ELP1: variants seen among roughly 807,000 people sequenced by gnomAD.
ELP1 encodes the protein elongator complex protein 1.
A neutral mutation model predicts 183.2 loss-of-function variants in ELP1; 131 were observed. That is an observed-to-expected ratio of 0.72 (90% confidence interval 0.62 to 0.83). The LOEUF (loss-of-function observed/expected upper bound fraction) is 0.83, where lower values mean the gene tolerates loss of function less well. Among genes scored for constraint, ELP1 ranks in the 40% least tolerant of loss-of-function variants. The pLI is 0.00. For synonymous variants in ELP1, 555 were observed against 569.0 expected (o/e 0.98, Z 0.35); for missense variants, 1,550 against 1,594.9 (o/e 0.97, Z 0.48).
intron 2 of ELP1, among the ~76,000 whole-genome samples, chr9:108,930,392 T>C (rs17792627): frequency 0.053 from 8,028 of 152,258 alleles, 327 homozygotes; most frequent in East Asian, 0.12. Context: ...GCTCAAACTT[T>C]TAGAAAGCTC....
chr9:108,918,962 A>G (rs1829548114), intron 7 of ELP1, 61 bp from the exon 8 acceptor site: 2 of 1,189,888 alleles, frequency 1.7e-6, no homozygotes, highest in African/African-American at 1.5e-5. Flanking sequence ...AAAGTTGTCA[A>G]TTCAGAACTA....
At chr9:108,871,674 T>C (rs939047449) in intron 36 of ELP1, among the ~76,000 whole-genome samples, 2 of 152,216 alleles carry the variant, frequency 1.3e-5, no homozygotes, top group Non-Finnish European at 2.9e-5. Flanking sequence ...TTTCTAAAAT[T>C]ATCAAACCAT....
rs560086726 is a variant in ELP1 at position 108,913,647 on chromosome 9, T to C, written c.959-1153A>G. On this transcript the variant is annotated intron_variant, in intron 10 of 36. Coordinates refer to ENST00000374647, the MANE Select transcript of ELP1 (RefSeq NM_003640.5). ...TGTGCAATGTGTGTGTGTGTGTATATATATATATACATGTTTTTGAGATGG... is the reference window on the plus strand; with the variant it reads ...TGTGCAATGTGTGTGTGTGTGTATACATATATATACATGTTTTTGAGATGG... 7.0e-4 allele frequency among the ~76,000 whole-genome samples: 106 copies of C among 152,130 alleles called. 4 individuals are homozygous for C. The South Asian group carries it at 0.021, about 31-fold the overall frequency.
chr9:108,890,575 T>C (rs1450965360), intron 28 of ELP1, among the ~76,000 whole-genome samples: 1 of 152,230 alleles, frequency 6.6e-6, no homozygotes, highest in East Asian at 1.9e-4. Context: ...ACTCTGGTAC[T>C]AGAGCCCCTG....
intron 22 of ELP1, among the ~76,000 whole-genome samples, chr9:108,897,731 A>C (rs540924902): frequency 1.3e-5 from 2 of 152,244 alleles, no homozygotes; most frequent in South Asian, 4.1e-4. Flanking sequence ...TAAAAAATTC[A>C]GAAGAGTAGT....
At chr9:108,910,184 G>C (rs188745852) in intron 12 of ELP1, among the ~76,000 whole-genome samples, 10 of 152,198 alleles carry the variant, frequency 6.6e-5, no homozygotes, top group Non-Finnish European at 1.3e-4. Context: ...ATTTTGAAAA[G>C]TTTAAGGAGG....
chr9:108,881,850 T>C lies in ELP1; in HGVS notation c.3286-85A>G, dbSNP rs895683551. The stretch of plus-strand genomic sequence containing the variant: ...ATACTTAGAAAGACATGGATTACTT[T>C]CAGAGGTAATCAGAATATTTTCCTG... On this transcript the variant is annotated intron_variant, in intron 30 of 36. Coordinates refer to ENST00000374647, the MANE Select transcript of ELP1 (RefSeq NM_003640.5). 1.3e-4 allele frequency: 113 copies of C among 844,256 alleles called. 6 individuals are homozygous for C. The South Asian group carries it at 1.6e-3, about 12-fold the overall frequency. The allele number at this position is 844,256 out of a possible 1,614,324, so 52.3% of individuals were successfully genotyped here.
At chr9:108,926,869 AAC>A (rs1224674821) in intron 4 of ELP1, among the ~76,000 whole-genome samples, 8 of 152,156 alleles carry the variant, frequency 5.3e-5, no homozygotes, top group Non-Finnish European at 1.2e-4. Flanking sequence ...CACTAACTTC[AAC>A]ACTCCTTGTC....
intron 29 of ELP1, among the ~76,000 whole-genome samples, chr9:108,886,557 G>A (rs369879236): frequency 3.9e-5 from 6 of 152,088 alleles, no homozygotes; most frequent in South Asian, 2.1e-4. Flanking sequence ...CATATCACTC[G>A]TCTAAAAACA....
chr9:108,891,176 T>C lies in ELP1; in HGVS notation c.3160+27A>G, dbSNP rs1341213. The C allele has an allele frequency of 1.4e-3, 2,258 of 1,606,670 alleles. 42 individuals carry two copies. In the South Asian group the frequency reaches 0.023, roughly 16 times the overall value. On this transcript the variant is annotated intron_variant, in intron 28 of 36. Transcript: ENST00000374647. ...ATAAATTTTTTAAAACCTTTGTAGA[T>C]GTAAACATATAAATGATTGTACTTA...
At chr9:108,898,046 T>C (rs1828623244) in intron 22 of ELP1, among the ~76,000 whole-genome samples, 1 of 152,200 alleles carries the variant, frequency 6.6e-6, no homozygotes, top group African/African-American at 2.4e-5. Flanking sequence ...ACAAGATGAA[T>C]GATGGATGGA....
intron 36 of ELP1, among the ~76,000 whole-genome samples, chr9:108,870,342 AG>A (rs1217626148): frequency 6.6e-6 from 1 of 152,234 alleles, no homozygotes; most frequent in Non-Finnish European, 1.5e-5. Flanking sequence ...CAGCATAAAA[AG>A]TCAGTTAACA....
rs140944971 is a variant in ELP1, at chr9:108,931,047, G to A, written c.100C>T (p.Leu34Phe). 5.0e-6 allele frequency: 8 copies of A among 1,613,962 alleles called. No homozygotes were observed. The African/African-American group carries it at 1.1e-4, about 22-fold the overall frequency. The change falls in exon 2 of 37, where the codon CTC (leucine) becomes TTC (phenylalanine). Residue 34 changes from leucine to phenylalanine, a missense_variant. Coordinates refer to ENST00000374647, the MANE Select transcript of ELP1 (RefSeq NM_003640.5). ...FSLRTEQGTV[L>F]IGSEHGLIEV... ...ATCAGGCCATGTTCTGAACCAATGA[G>A]CACCGTCCCCTGTTCAGTTCGGAGA...
chr9:108,924,835 C>T (rs766549589), intron 5 of ELP1, among the ~76,000 whole-genome samples: 2 of 152,176 alleles, frequency 1.3e-5, no homozygotes, highest in African/African-American at 4.8e-5. Flanking sequence ...CTGTTACTGG[C>T]ATCTTTATTC....
Position 108,878,748 on chromosome 9 carries a change from C to T in ELP1, c.3575G>A (p.Arg1192Lys), listed in dbSNP as rs1827798432. The change falls in exon 34 of 37, where the codon AGA becomes AAA. Residue 1192 changes from arginine (R) to lysine (K), a missense_variant and splice_region_variant. By Grantham distance (26) the Arg-to-Lys change is conservative (BLOSUM62 2). Coordinates refer to ENST00000374647, the MANE Select transcript of ELP1 (RefSeq NM_003640.5). ...YSHSNSRISA[R>K]SSKNRRKAER... ...CGCTTTTCGGCGATTCTTGGATGAT[C>T]TCCTGTTAGAAATTACACAGATATT... 6.2e-7 allele frequency: 1 copy of T among 1,614,034 alleles called. No homozygotes were observed. The highest frequency in any genetic ancestry group is 8.5e-7 in the Non-Finnish European group (1 of 1,180,018).
At chr9:108,882,675 G>A (rs1313407330) in intron 29 of ELP1, among the ~76,000 whole-genome samples, 3 of 149,930 alleles carry the variant, frequency 2.0e-5, no homozygotes, top group Non-Finnish European at 1.5e-5. Flanking sequence ...GCTCACGGCA[G>A]CCTTGACTGC....
At chr9:108,909,507 T>A (rs1829134422) in intron 12 of ELP1, among the ~76,000 whole-genome samples, 1 of 152,212 alleles carries the variant, frequency 6.6e-6, no homozygotes, top group African/African-American at 2.4e-5. Context: ...CCCTTCCACT[T>A]GGGCACGGAG....
chr9:108,919,225 G>A, intron 7 of ELP1, 28 bp downstream of exon 7: 1 of 1,509,984 alleles, frequency 6.6e-7, no homozygotes, highest in East Asian at 2.3e-5. Flanking sequence ...ATTTTTTATT[G>A]TTGTTTAACT....
At position 108,874,946 on chromosome 9, in the gene ELP1, T is replaced by G; in HGVS notation, c.3880A>C (p.Asn1294His). Residue 1294 changes from asparagine to histidine, a missense_variant, in exon 36 of 37, where the codon AAT (asparagine) becomes CAT (histidine). Asn to His is a moderately conservative substitution (Grantham distance 68). Coordinates refer to ENST00000374647, the MANE Select transcript of ELP1 (RefSeq NM_003640.5). ...TPVLGPNSTANSIMASYQQQK... is the reference protein window; with the variant it reads ...TPVLGPNSTAHSIMASYQQQK... The stretch of plus-strand genomic sequence containing the variant: ...TGCTGATAAGATGCCATGATACTAT[T>G]TGCAGTAGAATTGGGACCTAGAACC... 6.2e-7 allele frequency: 1 copy of G among 1,612,480 alleles called. No homozygotes were observed.
Sources: allele counts gnomAD v4.1 joint callset (sites outside exome capture counted in the v4.1 genomes callset), GRCh38; gene constraint gnomAD v4.1.1; transcripts MANE v1.5; gene names NCBI Gene and HGNC (gene_info 2026-07-23, HGNC 2026-07-21).